Variants in CLMN observed in about 807,000 individuals in gnomAD.
CLMN encodes the protein calmin (calponin-like, transmembrane).
In CLMN, 57 loss-of-function variants were observed where a neutral mutation model predicts 92.7. The ratio of observed to expected loss-of-function variants is 0.61; its 90% confidence interval spans 0.50 to 0.77. CLMN has a LOEUF of 0.77. Among genes scored for constraint, CLMN ranks in the 30% least tolerant of loss-of-function variants. CLMN has a pLI of 0.00. For synonymous variants in CLMN, 466 were observed against 470.6 expected, an observed-to-expected ratio of 0.99 and a Z score of 0.13; for missense variants, 1,158 against 1,237.5, an observed-to-expected ratio of 0.94 and a Z score of 0.96.
chr14:95,291,967 T>C (rs1033664683), intron 1 of CLMN, among the ~76,000 whole-genome samples: 1 of 152,256 alleles, frequency 6.6e-6, no homozygotes, highest in Non-Finnish European at 1.5e-5. Context: ...CTAATGGCAA[T>C]GACAAGCATT....
intron 1 of CLMN, among the ~76,000 whole-genome samples, chr14:95,248,111 GAAA>G (rs575224309): frequency 7.6e-6 from 1 of 131,778 alleles, no homozygotes; most frequent in Non-Finnish European, 1.7e-5. Flanking sequence ...AACTGCAAAT[GAAA>G]AAAAAAAAAG....
In CLMN at chr14:95,203,694, T is replaced by C. The variant is rs1168830881; in HGVS notation, c.1655A>G (p.Glu552Gly). The change falls in exon 9 of 13, where the codon GAG becomes GGG. Residue 552 changes from glutamate (E) to glycine (G), a missense_variant. Coordinates refer to ENST00000298912, the MANE Select transcript of CLMN (RefSeq NM_024734.4). ...VNLMTVEALEEGDYFEAIPLK... is the reference protein window; with the variant it reads ...VNLMTVEALEGGDYFEAIPLK... ...TGGGATGGCTTCAAAATAGTCTCCC[T>C]CCTCTAAAGCTTCTACAGTCATCAG... 3 of 1,614,020 alleles carry C rather than the reference T, an allele frequency of 1.9e-6. No individual in the cohort carries two copies. The African/African-American group carries it at 4.0e-5, about 22-fold the overall frequency.
At chr14:95,278,334 C>A (rs1466110917) in intron 1 of CLMN, among the ~76,000 whole-genome samples, 1 of 152,048 alleles carries the variant, frequency 6.6e-6, no homozygotes, top group East Asian at 1.9e-4. Flanking sequence ...ATTTAAAAGA[C>A]CTTTAAGTTT....
At chr14:95,312,819 T>C (rs2140800496) in intron 1 of CLMN, among the ~76,000 whole-genome samples, 1 of 152,274 alleles carries the variant, frequency 6.6e-6, no homozygotes, top group East Asian at 1.9e-4. Flanking sequence ...TCTTGACGGC[T>C]TTCATCCTGG....
intron 1 of CLMN, among the ~76,000 whole-genome samples, chr14:95,245,243 TA>T (rs1190120490): frequency 2.9e-5 from 1 of 33,966 alleles, no homozygotes; most frequent in African/African-American, 1.9e-4. Flanking sequence ...ATATATTATA[TA>T]TATATATATA....
At chr14:95,253,238 A>C (rs1386990921) in intron 1 of CLMN, among the ~76,000 whole-genome samples, 1 of 152,194 alleles carries the variant, frequency 6.6e-6, no homozygotes, top group African/African-American at 2.4e-5. Flanking sequence ...AGTTCTTTCT[A>C]TAAATTAGCT....
intron 2 of CLMN, among the ~76,000 whole-genome samples, chr14:95,225,234 C>A (rs920698444): frequency 3.9e-5 from 6 of 151,952 alleles, no homozygotes; most frequent in Non-Finnish European, 7.4e-5. Flanking sequence ...CATTGCACCT[C>A]ACATGAGCCA....
intron 1 of CLMN, among the ~76,000 whole-genome samples, chr14:95,310,900 G>C (rs1173515043): frequency 6.6e-6 from 1 of 152,226 alleles, no homozygotes; most frequent in African/African-American, 2.4e-5. Context: ...GGAGAGGTGG[G>C]GGCAGAGCAC....
intron 8 of CLMN, among the ~76,000 whole-genome samples, chr14:95,206,929 T>C (rs1224327820): frequency 2.6e-5 from 4 of 151,974 alleles, no homozygotes; most frequent in Admixed American, 6.6e-5. Flanking sequence ...GCCAGGAAAA[T>C]TGAATTGCAA....
chr14:95,228,714 G>A lies in CLMN; in HGVS notation c.144+1358C>T, dbSNP rs535412124. 8.4e-4 allele frequency among the ~76,000 whole-genome samples: 128 copies of A among 152,266 alleles called. 1 individual carries two copies. The South Asian group carries it at 0.015, about 18-fold the overall frequency. On this transcript the variant is annotated intron_variant, in intron 2 of 12. Transcript: ENST00000298912. ...TTTTGAGACAGGGTCTCGCTCTGCCGCCCAGGCTGGAGTGCAGTGGTGCGA... is the reference window on the plus strand; with the variant it reads ...TTTTGAGACAGGGTCTCGCTCTGCCACCCAGGCTGGAGTGCAGTGGTGCGA...
intron 1 of CLMN, among the ~76,000 whole-genome samples, chr14:95,238,068 C>T (rs1898115482): frequency 6.6e-6 from 1 of 152,208 alleles, no homozygotes; most frequent in Admixed American, 6.5e-5. Flanking sequence ...CAATGGCAAG[C>T]CCTGCCCCAC....
chr14:95,263,053 T>C (rs1899322351), intron 1 of CLMN, among the ~76,000 whole-genome samples: 1 of 152,202 alleles, frequency 6.6e-6, no homozygotes, highest in Admixed American at 6.5e-5. Flanking sequence ...GCCCAGCGCA[T>C]ATGTGGCTCC....
intron 1 of CLMN, among the ~76,000 whole-genome samples, chr14:95,274,752 G>T (rs199716925): frequency 6.6e-6 from 1 of 152,184 alleles, no homozygotes; most frequent in East Asian, 1.9e-4. Flanking sequence ...AGGCCAAAGC[G>T]GGCGGATCAC....
At chr14:95,267,197 G>C (rs1899505556) in intron 1 of CLMN, among the ~76,000 whole-genome samples, 1 of 152,142 alleles carries the variant, frequency 6.6e-6, no homozygotes, top group Non-Finnish European at 1.5e-5. Context: ...AAGCTAAAAA[G>C]CTTCTTCACA....
At chr14:95,258,250 A>G (rs972215655) in intron 1 of CLMN, among the ~76,000 whole-genome samples, 1 of 148,372 alleles carries the variant, frequency 6.7e-6, no homozygotes, top group African/African-American at 2.5e-5. Context: ...TGTATGATGT[A>G]TATGTATGTA....
chr14:95,238,871 T>G (rs1407639415), intron 1 of CLMN, among the ~76,000 whole-genome samples: 2 of 152,164 alleles, frequency 1.3e-5, no homozygotes, highest in Non-Finnish European at 2.9e-5. Flanking sequence ...GCCCCGCTTC[T>G]CAGCTGCTCC....
At chr14:95,272,364 A>C (rs1240869305) in intron 1 of CLMN, among the ~76,000 whole-genome samples, 1 of 152,168 alleles carries the variant, frequency 6.6e-6, no homozygotes, top group Non-Finnish European at 1.5e-5. Flanking sequence ...CATAAGCCCC[A>C]AACCTCACTG....
Position 95,194,140 on chromosome 14 carries a change from C to T in CLMN, c.2770-221G>A, listed in dbSNP as rs950552870. The T allele has an allele frequency of 2.7e-5, 38 of 1,412,886 alleles. No individual in the cohort carries two copies. The highest frequency in any genetic ancestry group is 2.6e-4 in the Middle Eastern group (1 of 3,856). 87.5% of individuals were successfully genotyped at this position (1,412,886 alleles called of 1,614,324 possible). On this transcript the variant is annotated intron_variant, in intron 11 of 12. Coordinates refer to ENST00000298912, the MANE Select transcript of CLMN (RefSeq NM_024734.4). The surrounding 1 kb of genome is among the most constrained non-coding windows in gnomAD (Gnocchi z 4.0). ...TGTGAGTGCGAGAGACCCCACCACC[C>T]GGAACCCGGATTGGGGTGTGCTGCT...
chr14:95,258,522 T>C (rs1899107424), intron 1 of CLMN, among the ~76,000 whole-genome samples: 1 of 143,484 alleles, frequency 7.0e-6, no homozygotes, highest in African/African-American at 2.6e-5. Context: ...GTGTGGTGTG[T>C]GATGTGTGCG....
Sources: gnomAD v4.1 joint callset for allele counts (sites outside exome capture counted in the v4.1 genomes callset) on GRCh38, gnomAD v4.1.1 for gene constraint, Gnocchi (gnomAD v3.1) non-coding constraint, MANE v1.5 for transcripts, NCBI Gene and HGNC (gene_info 2026-07-23, HGNC 2026-07-21) for gene names.